Variants in RGS6 observed in about 807,000 individuals in gnomAD.
RGS6 encodes regulator of G protein signaling 6, also known as regulator of G-protein signaling 6.
Under a neutral mutation model 78.5 loss-of-function variants are expected in RGS6, and 30 were observed. The ratio of observed to expected loss-of-function variants is 0.38; its 90% CI spans 0.29 to 0.52. The LOEUF is 0.52. Among genes scored for constraint, RGS6 ranks in the 20% least tolerant of loss-of-function variants. The pLI is 0.85. For missense variants in RGS6, 495 were observed against 609.7 expected (o/e 0.81, Z 1.98); for synonymous variants, 206 against 206.0 (o/e 1.00, Z 0.00).
At chr14:72,535,823 C>T (rs1374724350) in intron 15 of RGS6, among the ~76,000 whole-genome samples, 2 of 152,156 alleles carry the variant, frequency 1.3e-5, no homozygotes, top group Non-Finnish European at 2.9e-5. Flanking sequence ...GGCTTTTTTA[C>T]TCATCCTAAT....
chr14:72,055,170 G>A (rs2093555561), intron 2 of RGS6, among the ~76,000 whole-genome samples: 1 of 152,174 alleles, frequency 6.6e-6, no homozygotes, highest in Admixed American at 6.5e-5. Context: ...CTGCTGTGTT[G>A]TGGTGTATGA....
chr14:72,133,967 C>A (rs1212557014), intron 2 of RGS6, among the ~76,000 whole-genome samples: 1 of 152,118 alleles, frequency 6.6e-6, no homozygotes, highest in Admixed American at 6.5e-5. Context: ...ATACTGTTTC[C>A]CAACCCAGAC....
At position 72,550,871 on chromosome 14, in the gene RGS6, G is replaced by A. The variant is rs866279987; in HGVS notation, c.1422+10777G>A. On this transcript the variant is annotated intron_variant, in intron 17 of 17. Coordinates refer to ENST00000553525, the MANE Select transcript of RGS6 (RefSeq NM_001204424.2). ...GGTGTTTTTTTTGAGACAGAGCCTCGCTTTGTTGCCTAGGCTGGAGTGCAG... is the reference window on the plus strand; with the variant it reads ...GGTGTTTTTTTTGAGACAGAGCCTCACTTTGTTGCCTAGGCTGGAGTGCAG... 4.1e-4 allele frequency among the ~76,000 whole-genome samples: 63 copies of A among 152,114 alleles called. 1 individual carries two copies. The highest frequency in any genetic ancestry group is 1.4e-3 in the African/African-American group (60 of 41,504).
At chr14:72,474,515 A>C in intron 9 of RGS6, 110 bp from the exon 10 acceptor site, 2 of 972,162 alleles carry the variant, frequency 2.1e-6, no homozygotes, top group Non-Finnish European at 3.1e-6. Context: ...AAAATCATGC[A>C]TTGTCTGTAA....
intron 2 of RGS6, among the ~76,000 whole-genome samples, chr14:72,161,947 A>G (rs1598620569): frequency 2.0e-5 from 3 of 152,240 alleles, no homozygotes; most frequent in African/African-American, 7.2e-5. Context: ...ATTTGACTTC[A>G]AATCATTTCA....
intron 2 of RGS6, among the ~76,000 whole-genome samples, chr14:72,333,595 C>G (rs1030602922): frequency 1.1e-4 from 16 of 152,238 alleles, no homozygotes; most frequent in African/African-American, 3.9e-4. Context: ...CCCAGCCACT[C>G]ACTGTGTTGC....
At chr14:72,125,179 G>A (rs2096157962) in intron 2 of RGS6, among the ~76,000 whole-genome samples, 1 of 152,132 alleles carries the variant, frequency 6.6e-6, no homozygotes, top group Non-Finnish European at 1.5e-5. Context: ...AGCACCTCAG[G>A]AAAGCATGTG....
chr14:71,900,950 C>T, the RGS6 span, among the ~76,000 whole-genome samples: 1 of 152,072 alleles, frequency 6.6e-6, no homozygotes, highest in African/African-American at 2.4e-5. Context: ...AGACTCTTAA[C>T]AACCAGATCA....
the RGS6 span, among the ~76,000 whole-genome samples, chr14:71,870,786 C>T: frequency 6.6e-6 from 1 of 152,166 alleles, no homozygotes; most frequent in East Asian, 1.9e-4. Context: ...GGGTCTTTTC[C>T]CTCCCAGTGT....
At chr14:72,351,662 A>G (rs1448709361) in intron 2 of RGS6, among the ~76,000 whole-genome samples, 3 of 152,214 alleles carry the variant, frequency 2.0e-5, no homozygotes, top group African/African-American at 4.8e-5. Flanking sequence ...ATGTTAATCT[A>G]TGTTAACATA....
At chr14:72,348,434 T>A (rs1275327185) in intron 2 of RGS6, among the ~76,000 whole-genome samples, 2 of 152,238 alleles carry the variant, frequency 1.3e-5, no homozygotes, top group African/African-American at 4.8e-5. Flanking sequence ...GAAATAGATG[T>A]TCTGAAAATA....
chr14:72,542,736 A>G (rs1025722046), intron 17 of RGS6, among the ~76,000 whole-genome samples: 1 of 152,186 alleles, frequency 6.6e-6, no homozygotes, highest in African/African-American at 2.4e-5. Flanking sequence ...ATCTGAATTC[A>G]GAATTTCTCC....
intron 7 of RGS6, 56 bp from the exon 8 acceptor site, chr14:72,469,951 C>T (rs1016913991): frequency 7.0e-5 from 88 of 1,252,610 alleles, no homozygotes; most frequent in South Asian, 5.1e-4. Flanking sequence ...GCATAGGTGT[C>T]GATGTGCTAA....
chr14:71,971,177 C>T (rs573844325), intron 2 of RGS6, among the ~76,000 whole-genome samples: 1 of 152,322 alleles, frequency 6.6e-6, no homozygotes, highest in African/African-American at 2.4e-5. Flanking sequence ...GGCCTCCACA[C>T]CCAAGTTCAA....
the RGS6 span, among the ~76,000 whole-genome samples, chr14:71,918,280 G>A: frequency 6.8e-6 from 1 of 147,352 alleles, no homozygotes; most frequent in African/African-American, 2.5e-5. Context: ...TTTTAAAATG[G>A]TGGTTCTTAG....
intron 17 of RGS6, among the ~76,000 whole-genome samples, chr14:72,557,086 T>C (rs538784943): frequency 2.0e-5 from 3 of 152,298 alleles, no homozygotes; most frequent in Admixed American, 2.0e-4. Flanking sequence ...AGGAATGGCC[T>C]CTCTTCCTTC....
chr14:71,894,576 G>C, the RGS6 span, among the ~76,000 whole-genome samples: 2 of 152,008 alleles, frequency 1.3e-5, no homozygotes, highest in South Asian at 4.2e-4. Context: ...CTAAGGACTC[G>C]CCCTGAATTC....
In RGS6 at chr14:72,536,264, G is replaced by C; in HGVS notation, c.1357G>C (p.Ala453Pro). Residue 453 changes from alanine (A) to proline (P), a missense_variant, in exon 16 of 18, where the codon GCC becomes CCC. Ala to Pro is a conservative substitution (Grantham distance 27). Transcript: ENST00000553525. Reference sequence around the variant, plus strand: ...AAATGCTTACCAGGATTTGCTGCTGGCCAAGAAGAAGGTATCTTTGGGAAG... The same window carrying C: ...AAATGCTTACCAGGATTTGCTGCTGCCCAAGAAGAAGGTATCTTTGGGAAG... ...RSNAYQDLLL[A>P]KKKPESEQGR... The C allele has an allele frequency of 9.9e-6, 16 of 1,613,704 alleles. No individual in the cohort carries two copies. The highest frequency in any genetic ancestry group is 1.4e-5 in the Non-Finnish European group (16 of 1,179,692).
At chr14:72,511,781 T>G (rs1306812930) in intron 14 of RGS6, 1 of 152,238 alleles carries the variant, frequency 6.6e-6, no homozygotes, top group Non-Finnish European at 1.5e-5. Context: ...AGCGTGCTGT[T>G]CTAGGCATCC....
Sources: allele counts gnomAD v4.1 joint callset (sites outside exome capture counted in the v4.1 genomes callset), GRCh38; gene constraint gnomAD v4.1.1; transcripts MANE v1.5; gene names NCBI Gene and HGNC (gene_info 2026-07-23, HGNC 2026-07-21).